The following PPM1H variants were observed in gnomAD, a reference collection of about 807,000 sequenced individuals.
The protein encoded by PPM1H is protein phosphatase, Mg2+/Mn2+ dependent 1H.
PPM1H carries 27 observed loss-of-function variants against 54.9 expected under a neutral mutation model. The ratio of observed to expected loss-of-function variants is 0.49; its 90% confidence interval spans 0.36 to 0.68. PPM1H has a LOEUF of 0.68. Ranked by LOEUF, PPM1H falls within the 30% of genes least tolerant of loss-of-function variation. PPM1H has a pLI of 0.00. For synonymous variants in PPM1H, 305 were observed against 270.8 expected (o/e 1.13, Z -1.24); for missense variants, 596 against 667.8 (o/e 0.89, Z 1.19).
chr12:62,858,327 T>C (rs1869469485), intron 1 of PPM1H, among the ~76,000 whole-genome samples: 2 of 152,336 alleles, frequency 1.3e-5, no homozygotes, highest in South Asian at 4.1e-4. Context: ...TATGCTATTA[T>C]TGATTACAGG....
chr12:62,857,975 G>T (rs3847907), intron 1 of PPM1H, among the ~76,000 whole-genome samples: 19,529 of 151,700 alleles, frequency 0.13, 1,442 homozygotes, highest in African/African-American at 0.2. Flanking sequence ...TTGTCATGAG[G>T]CTTCAGACTT....
chr12:62,898,582 G>A (rs559459265), intron 1 of PPM1H, among the ~76,000 whole-genome samples: 1 of 152,292 alleles, frequency 6.6e-6, no homozygotes, highest in South Asian at 2.1e-4. Context: ...GTTCCTCTTT[G>A]TTGTCACGTG....
intron 4 of PPM1H, among the ~76,000 whole-genome samples, chr12:62,772,716 A>G (rs1386537864): frequency 6.6e-6 from 1 of 152,188 alleles, no homozygotes; most frequent in Admixed American, 6.5e-5. Context: ...TTGGGAAAGT[A>G]TCAGAGGGAT....
At chr12:62,902,910 C>T (rs1277914878) in intron 1 of PPM1H, among the ~76,000 whole-genome samples, 1 of 152,154 alleles carries the variant, frequency 6.6e-6, no homozygotes, top group Non-Finnish European at 1.5e-5. Context: ...ATCATACAGG[C>T]CTATCTCCTA....
intron 1 of PPM1H, among the ~76,000 whole-genome samples, chr12:62,897,963 A>G (rs1383164018): frequency 6.6e-6 from 1 of 152,176 alleles, no homozygotes; most frequent in South Asian, 2.1e-4. Context: ...GCCTATCACC[A>G]GCAGGAAGGA....
At chr12:62,894,391 T>C (rs1411884011) in intron 1 of PPM1H, among the ~76,000 whole-genome samples, 1 of 152,166 alleles carries the variant, frequency 6.6e-6, no homozygotes, top group Non-Finnish European at 1.5e-5. Context: ...GATGAGAACG[T>C]TGCTCCTCGT....
At chr12:62,878,630 A>T (rs1870270431) in intron 1 of PPM1H, among the ~76,000 whole-genome samples, 1 of 135,726 alleles carries the variant, frequency 7.4e-6, no homozygotes, top group South Asian at 2.4e-4. Flanking sequence ...TACGCTTAAA[A>T]AAAAAAAAAA....
intron 4 of PPM1H, among the ~76,000 whole-genome samples, chr12:62,772,145 T>C (rs764340718): frequency 7.9e-5 from 12 of 152,200 alleles, no homozygotes; most frequent in Non-Finnish European, 1.2e-4. Context: ...ATAATGACAA[T>C]AGCTAACATG....
chr12:62,702,950 T>C (rs2076152201), intron 6 of PPM1H, among the ~76,000 whole-genome samples: 1 of 152,118 alleles, frequency 6.6e-6, no homozygotes. Context: ...CCTGGGAAAA[T>C]CCCTCAGACC....
chr12:62,891,379 T>C (rs765885785), intron 1 of PPM1H, among the ~76,000 whole-genome samples: 10 of 152,226 alleles, frequency 6.6e-5, no homozygotes, highest in Non-Finnish European at 1.2e-4. Flanking sequence ...AGTAAACTGA[T>C]ACAATGCTTT....
At chr12:62,825,077 G>A (rs1868274428) in intron 2 of PPM1H, among the ~76,000 whole-genome samples, 1 of 151,948 alleles carries the variant, frequency 6.6e-6, no homozygotes, top group Non-Finnish European at 1.5e-5. Flanking sequence ...AGTGGGCAAA[G>A]GATATGAACT....
intron 1 of PPM1H, among the ~76,000 whole-genome samples, chr12:62,837,686 T>C (rs1029967319): frequency 2.0e-5 from 3 of 152,254 alleles, no homozygotes; most frequent in Non-Finnish European, 4.4e-5. Flanking sequence ...GAGAATTAAA[T>C]GCTCTAGCAT....
chr12:62,866,158 T>A (rs1312816318), intron 1 of PPM1H, among the ~76,000 whole-genome samples: 1 of 152,148 alleles, frequency 6.6e-6, no homozygotes, highest in Non-Finnish European at 1.5e-5. Context: ...GTTTTTTTAC[T>A]CTCTTCTTCC....
At chr12:62,755,318 C>A in intron 4 of PPM1H, 1 of 1,125,294 alleles carries the variant, frequency 8.9e-7, no homozygotes, top group Non-Finnish European at 1.3e-6. Context: ...GATATTGTTG[C>A]CATCAATGAC....
chr12:62,768,712 T>C (rs2076560336), intron 4 of PPM1H, among the ~76,000 whole-genome samples: 1 of 151,650 alleles, frequency 6.6e-6, no homozygotes, highest in South Asian at 2.1e-4. Context: ...GAGAGAACTT[T>C]GAGTATGTTT....
In PPM1H at chr12:62,793,740, C is replaced by CAAAAAAAAAAAAAAA. The variant is rs34457644; in HGVS notation, c.757-5417_757-5403dup. On this transcript the variant is annotated intron_variant, in intron 3 of 9. Transcript: ENST00000228705. ...GGGCAACAAGAGAGAAACTCCGTTT[C>CAAAAAAAAAAAAAAA]AAAAAAAAAAAAAAAAAAAAAAGGC... Among the ~76,000 whole-genome samples the CAAAAAAAAAAAAAAA allele has an allele frequency of 2.8e-3, 169 of 61,194 alleles. 4 individuals carry two copies. Among genetic ancestry groups the CAAAAAAAAAAAAAAA allele is most frequent in the African/African-American group, 8.4e-3 (147 of 17,562 alleles). The allele number at this position is 61,194 out of a possible 152,430, so 40.1% of individuals were successfully genotyped here.
intron 1 of PPM1H, among the ~76,000 whole-genome samples, chr12:62,895,320 T>G (rs1208224654): frequency 6.6e-6 from 1 of 152,114 alleles, no homozygotes; most frequent in East Asian, 1.9e-4. Context: ...TGCAACTCAA[T>G]GGTGGTATTG....
At chr12:62,815,907 T>C (rs1034021095) in intron 2 of PPM1H, among the ~76,000 whole-genome samples, 2 of 152,152 alleles carry the variant, frequency 1.3e-5, no homozygotes, top group Non-Finnish European at 2.9e-5. Context: ...AGCAAGAAAA[T>C]GGACTATAAA....
At position 62,644,532 on chromosome 12, in the gene PPM1H, C is replaced by T. The variant is rs1381720455; in HGVS notation, c.*3957G>A. 1 of 152,214 alleles carries T rather than the reference C, an allele frequency of 6.6e-6. No homozygotes were observed. The highest frequency in any genetic ancestry group is 2.4e-5 in the African/African-American group (1 of 41,440). 9.4% of individuals were successfully genotyped at this position (152,214 alleles called of 1,614,324 possible). ...CTAAGACACAGAAGAAAAATTAAAG[C>T]TATTTACACAGATAACACTGTGGAT... On this transcript the variant is annotated 3_prime_UTR_variant, in exon 10 of 10. Transcript: ENST00000228705.
Sources: allele counts gnomAD v4.1 joint callset (sites outside exome capture counted in the v4.1 genomes callset), GRCh38; gene constraint gnomAD v4.1.1; transcripts MANE v1.5; gene names NCBI Gene and HGNC (gene_info 2026-07-23, HGNC 2026-07-21).